GRIK4: variants seen among roughly 807,000 people sequenced by gnomAD.
GRIK4 encodes glutamate ionotropic receptor kainate type subunit 4, also known as glutamate receptor ionotropic, kainate 4.
A neutral mutation model predicts 104.9 loss-of-function variants in GRIK4; 40 were observed. The observed-to-expected ratio is 0.38, with a 90% CI of 0.30 to 0.50. The LOEUF is 0.50. Among genes scored for constraint, GRIK4 ranks in the 20% least tolerant of loss-of-function variants. The pLI is 0.93. For synonymous variants in GRIK4, 485 were observed against 524.9 expected (o/e 0.92, Z 1.04); for missense variants, 1,047 against 1,308.1 (o/e 0.80, Z 3.08).
chr11:120,966,648 A>G lies in GRIK4; in HGVS notation c.2267-547A>G, dbSNP rs899639510. Among the ~76,000 whole-genome samples, 23 of 152,326 alleles carry G rather than the reference A, an allele frequency of 1.5e-4. No homozygotes were observed. In the South Asian group the frequency reaches 1.9e-3, roughly 12 times the overall value. ...CAGCCTCCCAAAGTGCTGGGATTAC[A>G]GGCGTGAGCCACCGTGCCTGGCTGT... is the stretch of plus-strand genomic sequence containing the variant. On this transcript the variant is annotated intron_variant, in intron 18 of 20. Transcript: ENST00000527524.
At chr11:120,826,897 G>A (rs1019431934) in intron 6 of GRIK4, among the ~76,000 whole-genome samples, 40 of 152,318 alleles carry the variant, frequency 2.6e-4, no homozygotes, top group African/African-American at 7.9e-4. Flanking sequence ...TGTCCCTCTG[G>A]TGAGGGTTCG....
chr11:120,852,143 C>T (rs767234124), intron 8 of GRIK4, among the ~76,000 whole-genome samples: 7 of 152,226 alleles, frequency 4.6e-5, no homozygotes, highest in Non-Finnish European at 7.3e-5. Flanking sequence ...GCTTCAGCTA[C>T]ACAGTTAACC....
intron 1 of GRIK4, among the ~76,000 whole-genome samples, chr11:120,544,016 C>T (rs1948062113): frequency 6.6e-6 from 1 of 152,236 alleles, no homozygotes; most frequent in Non-Finnish European, 1.5e-5. Flanking sequence ...GGGCACAAAG[C>T]TTCAGCTATG....
At chr11:120,732,420 C>G (rs1174972692) in intron 3 of GRIK4, among the ~76,000 whole-genome samples, 5 of 152,180 alleles carry the variant, frequency 3.3e-5, no homozygotes, top group Non-Finnish European at 5.9e-5. Context: ...TGTGAGCCAC[C>G]ATGCCCAGCC....
intron 3 of GRIK4, among the ~76,000 whole-genome samples, chr11:120,743,803 A>G (rs1951382507): frequency 1.3e-5 from 2 of 152,268 alleles, no homozygotes; most frequent in Non-Finnish European, 2.9e-5. Context: ...AAGTCAGCTA[A>G]CGCTGTTGGG....
chr11:120,904,311 G>A (rs953899535), intron 12 of GRIK4, among the ~76,000 whole-genome samples: 3 of 152,100 alleles, frequency 2.0e-5, no homozygotes, highest in Non-Finnish European at 4.4e-5. Flanking sequence ...AGCCCATCAT[G>A]ACACCACCCT....
intron 1 of GRIK4, among the ~76,000 whole-genome samples, chr11:120,564,205 C>T (rs897105757): frequency 6.6e-6 from 1 of 152,242 alleles, no homozygotes; most frequent in Non-Finnish European, 1.5e-5. Flanking sequence ...CAACTCGCCC[C>T]GCTCAGACGG....
rs1261972876 is a variant in GRIK4 at position 120,529,129 on chromosome 11, C to CGTG, written c.-159+17242_-159+17243insGTG. Among the ~76,000 whole-genome samples, 435 of 151,810 alleles carry CGTG rather than the reference C, an allele frequency of 2.9e-3. 1 individual carries two copies. Among genetic ancestry groups the CGTG allele is most frequent in the African/African-American group, 0.01 (414 of 41,140 alleles). On this transcript the variant is annotated intron_variant, in intron 1 of 20. Coordinates refer to ENST00000527524, the MANE Select transcript of GRIK4 (RefSeq NM_014619.5). The stretch of plus-strand genomic sequence containing the variant: ...CGCCTCCCTGAGCCTGCATAACCCC[C>CGTG]CACCCCGACCCTCATGTGCTCTTGC...
chr11:120,702,546 A>T (rs930043228), intron 3 of GRIK4, among the ~76,000 whole-genome samples: 2 of 152,182 alleles, frequency 1.3e-5, no homozygotes, highest in African/African-American at 4.8e-5. Context: ...ACAAGGACAG[A>T]GCTCGGGGGT....
intron 8 of GRIK4, among the ~76,000 whole-genome samples, chr11:120,858,071 C>A (rs1386265970): frequency 6.6e-6 from 1 of 152,118 alleles, no homozygotes; most frequent in Non-Finnish European, 1.5e-5. Context: ...TCAGGATATC[C>A]CTTCCTGGGA....
intron 3 of GRIK4, among the ~76,000 whole-genome samples, chr11:120,681,625 T>C (rs1306689992): frequency 6.6e-6 from 1 of 152,210 alleles, no homozygotes; most frequent in Non-Finnish European, 1.5e-5. Context: ...GGCCTGATTT[T>C]GGAGAGGGAG....
At chr11:120,815,806 G>A (rs376401176) in intron 5 of GRIK4, among the ~76,000 whole-genome samples, 59 of 152,270 alleles carry the variant, frequency 3.9e-4, no homozygotes, top group African/African-American at 1.3e-3. Context: ...CAGGCCAAGC[G>A]GGCAGACGTC....
intron 13 of GRIK4, among the ~76,000 whole-genome samples, chr11:120,935,905 A>C (rs1347112504): frequency 1.3e-5 from 2 of 152,236 alleles, no homozygotes; most frequent in Non-Finnish European, 2.9e-5. Context: ...GACACTGTAC[A>C]GTTAAAAAAC....
At chr11:120,827,676 G>A (rs754392863) in intron 6 of GRIK4, among the ~76,000 whole-genome samples, 1 of 152,218 alleles carries the variant, frequency 6.6e-6, no homozygotes. Context: ...TTTTCCTAAT[G>A]TAAATTTCTT....
chr11:120,798,773 G>T (rs1264045486), intron 3 of GRIK4, among the ~76,000 whole-genome samples: 1 of 152,148 alleles, frequency 6.6e-6, no homozygotes, highest in Non-Finnish European at 1.5e-5. Context: ...TGAGGCACTG[G>T]TGTCTCTTCT....
intron 13 of GRIK4, among the ~76,000 whole-genome samples, chr11:120,921,403 C>G (rs1565440125): frequency 6.6e-6 from 1 of 152,190 alleles, no homozygotes; most frequent in South Asian, 2.1e-4. Context: ...AATTAACCAT[C>G]CCAGCGTTGA....
At chr11:120,725,218 T>G (rs761156269) in intron 3 of GRIK4, among the ~76,000 whole-genome samples, 1 of 152,192 alleles carries the variant, frequency 6.6e-6, no homozygotes, top group Non-Finnish European at 1.5e-5. Context: ...AGTTAGCTGG[T>G]CTCCATATCC....
chr11:120,600,005 TG>T (rs1182594577), intron 1 of GRIK4, among the ~76,000 whole-genome samples: 4 of 152,198 alleles, frequency 2.6e-5, no homozygotes, highest in African/African-American at 4.8e-5. Context: ...GCACCTAGCA[TG>T]GGGCCTGGCG....
Position 120,552,650 on chromosome 11 carries a change from T to C in GRIK4, c.-159+40763T>C, listed in dbSNP as rs1424244535. Among the ~76,000 whole-genome samples the C allele has an allele frequency of 2.0e-5, 3 of 152,146 alleles. No homozygotes were observed. In the East Asian group the frequency reaches 5.8e-4, roughly 29 times the overall value. ...GAACGTTCAGTCGCTGGTGCAGGCA[T>C]GGAGAGGGTGGATAGCTGGGTTTAG... is the stretch of plus-strand genomic sequence containing the variant. On this transcript the variant is annotated intron_variant, in intron 1 of 20. Transcript: ENST00000527524.
Sources: allele counts gnomAD v4.1 joint callset (sites outside exome capture counted in the v4.1 genomes callset), GRCh38; gene constraint gnomAD v4.1.1; transcripts MANE v1.5; gene names NCBI Gene and HGNC (gene_info 2026-07-23, HGNC 2026-07-21).